GALNT16: variants seen among roughly 807,000 people sequenced by gnomAD.
GALNT16 encodes the protein UDP-GalNAc:polypeptide N-acetylgalactosaminyltransferase-like protein 1.
A neutral mutation model predicts 76.1 loss-of-function variants in GALNT16; 40 were observed. That is an observed-to-expected ratio of 0.53 (90% CI 0.41 to 0.68). GALNT16 has a LOEUF of 0.68. GALNT16 is among the 30% of genes least tolerant of loss of function. The pLI is 0.00. For synonymous variants in GALNT16, 276 were observed against 285.2 expected (o/e 0.97, Z 0.32); for missense variants, 621 against 731.9 (o/e 0.85, Z 1.75).
chr14:69,367,155 C>T, the GALNT16 span, among the ~76,000 whole-genome samples: 1 of 151,986 alleles, frequency 6.6e-6, no homozygotes, highest in East Asian at 1.9e-4. Context: ...TTTTTGGGGG[C>T]TGAGTTTTGA....
chr14:69,378,562 T>C, the GALNT16 span, among the ~76,000 whole-genome samples: 1 of 152,254 alleles, frequency 6.6e-6, no homozygotes, highest in Non-Finnish European at 1.5e-5. Context: ...CTGTGTATTA[T>C]GGGACATAGA....
the GALNT16 span, among the ~76,000 whole-genome samples, chr14:69,370,622 C>CA: frequency 1.3e-5 from 2 of 151,634 alleles, no homozygotes; most frequent in Admixed American, 1.3e-4. Context: ...CCCAGGTTAT[C>CA]AATTTATGGC....
At chr14:69,282,494 T>C (rs1435571973) in intron 1 of GALNT16, among the ~76,000 whole-genome samples, 1 of 152,116 alleles carries the variant, frequency 6.6e-6, no homozygotes, top group Non-Finnish European at 1.5e-5. Flanking sequence ...CTTTGTTGCC[T>C]TCCCCACGAT....
At chr14:69,318,244 G>C (rs2045129977) in intron 1 of GALNT16, among the ~76,000 whole-genome samples, 1 of 152,184 alleles carries the variant, frequency 6.6e-6, no homozygotes, top group Non-Finnish European at 1.5e-5. Context: ...GGGAACAGCA[G>C]ACTTTACTTT....
chr14:69,317,042 G>A (rs2045112241), intron 1 of GALNT16, among the ~76,000 whole-genome samples: 2 of 152,130 alleles, frequency 1.3e-5, no homozygotes, highest in Non-Finnish European at 2.9e-5. Flanking sequence ...ATGTGCCCCT[G>A]CTTGACATAA....
At position 69,326,442 on chromosome 14, in the gene GALNT16, C is replaced by T. The variant is rs1456247085; in HGVS notation, c.568+415C>T. On this transcript the variant is annotated intron_variant, in intron 5 of 14. Coordinates refer to ENST00000448469, the MANE Select transcript of GALNT16 (RefSeq NM_001168368.2). ...ATTGTGCATGGCACTCTAGGGGACA[C>T]GAAGGAAGTACAAAGCATAGTCCCT... Among the ~76,000 whole-genome samples the T allele has an allele frequency of 2.6e-5, 4 of 152,152 alleles. No homozygotes were observed. The South Asian group carries it at 6.2e-4, about 24-fold the overall frequency.
At chr14:69,378,149 T>G in the GALNT16 span, among the ~76,000 whole-genome samples, 3 of 152,236 alleles carry the variant, frequency 2.0e-5, no homozygotes, top group South Asian at 6.2e-4. Context: ...TTTGAGCATT[T>G]AGTAAGTTGC....
chr14:69,371,590 T>C, the GALNT16 span, among the ~76,000 whole-genome samples: 1 of 151,978 alleles, frequency 6.6e-6, no homozygotes, highest in Non-Finnish European at 1.5e-5. Flanking sequence ...GGGAATACAT[T>C]TGATTAAGTA....
At chr14:69,341,620 C>G (rs1178278951) in intron 11 of GALNT16, 61 bp from the exon 12 acceptor site, 5 of 1,111,066 alleles carry the variant, frequency 4.5e-6, no homozygotes, top group Non-Finnish European at 6.7e-6. Context: ...CCTCTGGCAT[C>G]CTCCCTCGGG....
rs1466845540 is a variant in GALNT16, at chr14:69,353,065, C to T, written c.*897C>T. 1.3e-5 allele frequency among the ~76,000 whole-genome samples: 2 copies of T among 152,276 alleles called. No individual in the cohort carries two copies. Among genetic ancestry groups the T allele is most frequent in the African/African-American group, 4.8e-5 (2 of 41,554 alleles). ...TGAACAGCTAGTGCCCTGTCCCTGCCGCCAGGACCCACTGAAAGGACGGGT... is the reference window on the plus strand; with the variant it reads ...TGAACAGCTAGTGCCCTGTCCCTGCTGCCAGGACCCACTGAAAGGACGGGT... On this transcript the variant is annotated 3_prime_UTR_variant, in exon 15 of 15. Coordinates refer to ENST00000448469, the MANE Select transcript of GALNT16 (RefSeq NM_001168368.2).
intron 1 of GALNT16, among the ~76,000 whole-genome samples, chr14:69,300,025 A>G (rs567047331): frequency 1.3e-5 from 2 of 152,352 alleles, no homozygotes; most frequent in South Asian, 4.1e-4. Context: ...TCCCCAGCCC[A>G]TCAGCGGCTG....
chr14:69,270,605 G>T (rs2044394926), intron 1 of GALNT16, among the ~76,000 whole-genome samples: 1 of 152,196 alleles, frequency 6.6e-6, no homozygotes, highest in Non-Finnish European at 1.5e-5. Context: ...GCTGGCCTTG[G>T]GCTGCCACAG....
intron 1 of GALNT16, among the ~76,000 whole-genome samples, chr14:69,305,558 C>A (rs912220810): frequency 2.0e-5 from 3 of 152,036 alleles, no homozygotes; most frequent in Non-Finnish European, 4.4e-5. Context: ...TGTATATATT[C>A]TTTGGAGAAA....
intron 1 of GALNT16, among the ~76,000 whole-genome samples, chr14:69,274,614 G>A (rs1327190462): frequency 6.6e-6 from 1 of 152,158 alleles, no homozygotes; most frequent in Non-Finnish European, 1.5e-5. Flanking sequence ...TAGTATGGTG[G>A]TTGGCTTCCC....
chr14:69,347,817 C>T, intron 13 of GALNT16, 60 bp from the exon 14 acceptor site: 4 of 1,586,666 alleles, frequency 2.5e-6, no homozygotes, highest in East Asian at 2.2e-5. Flanking sequence ...CCCCTATCTA[C>T]CCATCTCTCC....
In GALNT16 at chr14:69,352,319, G is replaced by A. The variant is rs1348418455; in HGVS notation, c.*151G>A. ...CCCACCATGACACACGTTCTCCAAAGCTTGTTCTAGGAGGGCGCAGGCGGG... is the reference window on the plus strand; with the variant it reads ...CCCACCATGACACACGTTCTCCAAAACTTGTTCTAGGAGGGCGCAGGCGGG... On this transcript the variant is annotated 3_prime_UTR_variant, in exon 15 of 15. Transcript: ENST00000448469. 2 of 759,002 alleles carry A rather than the reference G, an allele frequency of 2.6e-6. No individual in the cohort carries two copies. The highest frequency in any genetic ancestry group is 4.1e-6 in the Non-Finnish European group (2 of 483,136). The allele number at this position is 759,002 out of a possible 1,614,324, so 47.0% of individuals were successfully genotyped here.
intron 1 of GALNT16, among the ~76,000 whole-genome samples, chr14:69,312,375 G>T (rs539566163): frequency 2.0e-4 from 31 of 152,342 alleles, no homozygotes; most frequent in African/African-American, 7.5e-4. Flanking sequence ...TACAGCAGAA[G>T]TGGCACCGAC....
chr14:69,287,857 G>A (rs1005079910), intron 1 of GALNT16, among the ~76,000 whole-genome samples: 19 of 152,280 alleles, frequency 1.2e-4, no homozygotes, highest in Admixed American at 6.5e-4. Context: ...CCTAACTGCA[G>A]GGCCCAAATC....
intron 12 of GALNT16, among the ~76,000 whole-genome samples, chr14:69,342,406 T>C (rs1227279054): frequency 7.2e-6 from 1 of 139,852 alleles, no homozygotes; most frequent in African/African-American, 2.7e-5. Flanking sequence ...GCCTAAGTGT[T>C]AGGGTGAGGA....
Sources: gnomAD v4.1 joint callset for allele counts (sites outside exome capture counted in the v4.1 genomes callset) on GRCh38, gnomAD v4.1.1 for gene constraint, MANE v1.5 for transcripts, NCBI Gene and HGNC (gene_info 2026-07-23, HGNC 2026-07-21) for gene names.